SPATS1: variants seen among roughly 807,000 people sequenced by gnomAD.
The protein encoded by SPATS1 is spermatogenesis-associated serine-rich protein 1.
In SPATS1, 23 loss-of-function variants were observed where a neutral mutation model predicts 33.6. The ratio of observed to expected loss-of-function variants is 0.68; its 90% CI spans 0.49 to 0.97. SPATS1 has a LOEUF of 0.97. SPATS1 is among the 50% of genes least tolerant of loss of function. The pLI is 0.00. For synonymous variants in SPATS1, 131 were observed against 125.6 expected (o/e 1.04, Z -0.29); for missense variants, 327 against 361.0 (o/e 0.91, Z 0.76).
intron 3 of SPATS1, among the ~76,000 whole-genome samples, chr6:44,360,081 C>T (rs1317668265): frequency 6.6e-6 from 1 of 152,094 alleles, no homozygotes; most frequent in African/African-American, 2.4e-5. Flanking sequence ...ATTACTGAGT[C>T]TTATGGTAAT....
At chr6:44,354,298 C>T (rs1015269734) in intron 3 of SPATS1, among the ~76,000 whole-genome samples, 5 of 151,844 alleles carry the variant, frequency 3.3e-5, no homozygotes, top group African/African-American at 7.3e-5. Flanking sequence ...CGAGCCGTTG[C>T]ACTCCAGCCT....
At chr6:44,360,397 G>C in intron 3 of SPATS1, 49 bp from the exon 4 acceptor site, 1 of 1,611,754 alleles carries the variant, frequency 6.2e-7, no homozygotes, top group Non-Finnish European at 8.5e-7. Context: ...AGATCAGGCT[G>C]TAACTACCAG....
chr6:44,368,959 C>A (rs77579160), intron 6 of SPATS1, among the ~76,000 whole-genome samples: 1 of 149,924 alleles, frequency 6.7e-6, no homozygotes, highest in Admixed American at 6.7e-5. Flanking sequence ...TGCAGTGGTG[C>A]CATCTCAGCT....
intron 3 of SPATS1, 71 bp downstream of exon 3, chr6:44,352,944 G>A (rs1788330684): frequency 6.6e-7 from 1 of 1,521,456 alleles, no homozygotes. Context: ...AGTCTGAGAG[G>A]TAGCATGGTA....
At position 44,368,429 on chromosome 6, in the gene SPATS1, T is replaced by C. The variant is rs1345497543; in HGVS notation, c.625T>C (p.Tyr209His). The C allele has an allele frequency of 3.1e-6, 5 of 1,613,696 alleles. No homozygotes were observed. The Admixed American group carries it at 6.7e-5, about 22-fold the overall frequency. Reference protein sequence around the residue: ...IPKLTPGDNPYMYPEQSKGFH... With the variant: ...IPKLTPGDNPHMYPEQSKGFH... ...AAAGTTAACTCCAGGCGACAATCCA[T>C]ATATGTACCCAGAACAGAGTAAAGG... The change falls in exon 6 of 9, where the codon TAT becomes CAT. Residue 209 changes from tyrosine (Y) to histidine (H), a missense_variant. By Grantham distance (83) the Tyr-to-His change is moderately conservative (BLOSUM62 2). Transcript: ENST00000674044.
intron 7 of SPATS1, among the ~76,000 whole-genome samples, chr6:44,374,073 T>G (rs1329326710): frequency 6.6e-6 from 1 of 152,200 alleles, no homozygotes; most frequent in Non-Finnish European, 1.5e-5. Flanking sequence ...TTGATCTGGG[T>G]CCTAGATGAG....
At chr6:44,354,037 C>CAAA (rs34531075) in intron 3 of SPATS1, among the ~76,000 whole-genome samples, 2,405 of 98,822 alleles carry the variant, frequency 0.024, 131 homozygotes, top group South Asian at 0.085. Flanking sequence ...GACTTCGCCT[C>CAAA]AAAAAAAAAA....
At chr6:44,369,948 AAT>A in intron 6 of SPATS1, 101 bp from the exon 7 acceptor site, 1 of 680,112 alleles carries the variant, frequency 1.5e-6, no homozygotes, top group Non-Finnish European at 2.4e-6. Context: ...AATACTTGAA[AAT>A]TAAAATCGGA....
chr6:44,376,331 A>G (rs1789951814), intron 7 of SPATS1, 27 bp from the exon 8 acceptor site: 1 of 1,525,716 alleles, frequency 6.6e-7, no homozygotes, highest in South Asian at 1.1e-5. Flanking sequence ...TCAAACTACA[A>G]CTCAGGGTGT....
intron 3 of SPATS1, among the ~76,000 whole-genome samples, chr6:44,354,681 A>G (rs1277626774): frequency 1.3e-5 from 2 of 152,120 alleles, no homozygotes; most frequent in East Asian, 1.9e-4. Flanking sequence ...ATTTATTACC[A>G]TGGATGAACC....
intron 5 of SPATS1, among the ~76,000 whole-genome samples, chr6:44,363,324 T>TCTCC (rs1789038709): frequency 6.6e-6 from 1 of 152,126 alleles, no homozygotes; most frequent in Non-Finnish European, 1.5e-5. Flanking sequence ...TTTCTATTTT[T>TCTCC]AGTAGAGACA....
chr6:44,347,871 A>G (rs1787994029), intron 2 of SPATS1, among the ~76,000 whole-genome samples: 2 of 152,166 alleles, frequency 1.3e-5, no homozygotes, highest in African/African-American at 4.8e-5. Flanking sequence ...ATTAGACTAC[A>G]TTTTATAAAT....
At position 44,369,269 on chromosome 6, in the gene SPATS1, G is replaced by A. The variant is rs183156842; in HGVS notation, c.695+770G>A. ...CAAAACTAAAATCTGTGGGCCGGGC[G>A]CGGTGGCTCACGCCTGTAACCCCAG... On this transcript the variant is annotated intron_variant, in intron 6 of 8. Coordinates refer to ENST00000674044, the MANE Select transcript of SPATS1 (RefSeq NM_001372081.1). 1.3e-3 allele frequency among the ~76,000 whole-genome samples: 203 copies of A among 150,418 alleles called. 2 individuals carry two copies. The highest frequency in any genetic ancestry group is 1.9e-3 in the Admixed American group (28 of 15,088).
In SPATS1 at chr6:44,344,047, AG is replaced by A. The variant is rs148461156; in HGVS notation, c.139+815del. ...TTAATATAAGCTAGGACCGTAGAGA[AG>A]GAGGAGCTGGAGGAGTTAGAGCTAT... On this transcript the variant is annotated intron_variant, in intron 2 of 8. Transcript: ENST00000674044. Among the ~76,000 whole-genome samples the A allele has an allele frequency of 7.9e-3, 1,206 of 152,324 alleles. 7 individuals are homozygous for A. The highest frequency in any genetic ancestry group is 0.013 in the Non-Finnish European group (878 of 68,028).
intron 7 of SPATS1, among the ~76,000 whole-genome samples, chr6:44,370,766 T>C (rs1251361386): frequency 2.0e-5 from 3 of 152,200 alleles, no homozygotes; most frequent in Non-Finnish European, 4.4e-5. Context: ...TTTATTATGT[T>C]GCATTGTTAC....
intron 3 of SPATS1, among the ~76,000 whole-genome samples, chr6:44,359,924 A>G (rs951995840): frequency 2.0e-5 from 3 of 152,120 alleles, no homozygotes; most frequent in African/African-American, 4.8e-5. Flanking sequence ...TATGTACCAC[A>G]TTTTGCTTAT....
intron 2 of SPATS1, among the ~76,000 whole-genome samples, chr6:44,347,696 G>T (rs1016515816): frequency 6.6e-6 from 1 of 152,026 alleles, no homozygotes; most frequent in Admixed American, 6.6e-5. Context: ...ATTCCAAATG[G>T]TTAATTAGTT....
intron 7 of SPATS1, among the ~76,000 whole-genome samples, chr6:44,372,335 C>G (rs886222870): frequency 6.6e-6 from 1 of 151,750 alleles, no homozygotes; most frequent in Admixed American, 6.6e-5. Context: ...TGATTTTTCT[C>G]CTGATTATGG....
chr6:44,345,276 GTGCTGTT>G (rs1334650226), intron 2 of SPATS1, among the ~76,000 whole-genome samples: 2 of 152,048 alleles, frequency 1.3e-5, no homozygotes, highest in Non-Finnish European at 2.9e-5. Flanking sequence ...TCTAGAGAGT[GTGCTGTT>G]TGCCAGTTTA....
Sources: allele counts gnomAD v4.1 joint callset (sites outside exome capture counted in the v4.1 genomes callset), GRCh38; gene constraint gnomAD v4.1.1; transcripts MANE v1.5; gene names NCBI Gene and HGNC (gene_info 2026-07-23, HGNC 2026-07-21).